Variants in MACROD2 observed in about 807,000 individuals in gnomAD.
The protein encoded by MACROD2 is mono-ADP ribosylhydrolase 2, also known as ADP-ribose glycohydrolase MACROD2.
Under a neutral mutation model 70.4 loss-of-function variants are expected in MACROD2, and 36 were observed. That is an observed-to-expected ratio of 0.51 (90% CI 0.39 to 0.68). The LOEUF (loss-of-function observed/expected upper bound fraction) is 0.68. Among genes scored for constraint, MACROD2 ranks in the 30% least tolerant of loss-of-function variants. The pLI is 0.00. For synonymous variants in MACROD2, 172 were observed against 178.8 expected (o/e 0.96, Z 0.30); for missense variants, 496 against 538.4 (o/e 0.92, Z 0.78).
chr20:15,708,897 A>G (rs1378378601), intron 8 of MACROD2, among the ~76,000 whole-genome samples: 1 of 152,094 alleles, frequency 6.6e-6, no homozygotes, highest in Non-Finnish European at 1.5e-5. Flanking sequence ...ATGGTAGCAC[A>G]TACTTGTAGT....
At chr20:15,366,031 A>AT (rs2045404169) in intron 6 of MACROD2, among the ~76,000 whole-genome samples, 1 of 152,216 alleles carries the variant, frequency 6.6e-6, no homozygotes, top group South Asian at 2.1e-4. Flanking sequence ...AGTAATAGAG[A>AT]TATAGGAATG....
In MACROD2 at chr20:16,015,712, C is replaced by T. The variant is rs547762632; in HGVS notation, c.1154-25489C>T. ...ATATAAACTTTTAATATTTTTGTTG[C>T]GTTTACTGTTGACTAAACTTTTTTG... is the stretch of plus-strand genomic sequence containing the variant. On this transcript the variant is annotated intron_variant, in intron 15 of 17. Coordinates refer to ENST00000684519, the MANE Select transcript of MACROD2 (RefSeq NM_001351661.2). Among the ~76,000 whole-genome samples the T allele has an allele frequency of 9.9e-5, 15 of 152,080 alleles. No homozygotes were observed. In the South Asian group the frequency reaches 1.0e-3, roughly 11 times the overall value.
chr20:15,435,182 A>T (rs1359140506), intron 7 of MACROD2, among the ~76,000 whole-genome samples: 1 of 152,150 alleles, frequency 6.6e-6, no homozygotes, highest in East Asian at 1.9e-4. Context: ...ATAAAAATAC[A>T]ATTTAAAAAA....
chr20:15,786,952 T>TTTTTG (rs200138097), intron 8 of MACROD2, among the ~76,000 whole-genome samples: 1,544 of 151,886 alleles, frequency 0.01, 26 homozygotes, highest in East Asian at 0.083. Flanking sequence ...ATAAAGAAAA[T>TTTTTG]TTTTGTTTTG....
At chr20:15,991,855 T>C (rs1361188799) in intron 15 of MACROD2, among the ~76,000 whole-genome samples, 1 of 152,178 alleles carries the variant, frequency 6.6e-6, no homozygotes, top group Non-Finnish European at 1.5e-5. Context: ...TGCTGGTCTC[T>C]GTTTGGGTTT....
At chr20:15,060,564 C>T (rs1383501808) in intron 5 of MACROD2, among the ~76,000 whole-genome samples, 1 of 152,122 alleles carries the variant, frequency 6.6e-6, no homozygotes, top group Admixed American at 6.5e-5. Flanking sequence ...GTGACTTCCC[C>T]CATCTTCCAA....
chr20:15,465,397 G>T (rs1238964067), intron 7 of MACROD2, among the ~76,000 whole-genome samples: 1 of 152,276 alleles, frequency 6.6e-6, no homozygotes, highest in Non-Finnish European at 1.5e-5. Flanking sequence ...GGAGAGTGAT[G>T]ATGGGGTACA....
At chr20:14,735,179 A>C (rs1402553696) in intron 5 of MACROD2, among the ~76,000 whole-genome samples, 1 of 152,210 alleles carries the variant, frequency 6.6e-6, no homozygotes, top group Non-Finnish European at 1.5e-5. Context: ...CTCAAACGAC[A>C]CTATGAAGAA....
intron 5 of MACROD2, among the ~76,000 whole-genome samples, chr20:15,009,772 A>ATTT (rs79069561): frequency 0.023 from 2,760 of 117,850 alleles, 92 homozygotes; most frequent in African/African-American, 0.081. Flanking sequence ...CCACCTCCCT[A>ATTT]TTTTTTTTTT....
At chr20:15,432,810 T>C (rs778956608) in intron 7 of MACROD2, among the ~76,000 whole-genome samples, 1 of 152,066 alleles carries the variant, frequency 6.6e-6, no homozygotes, top group Non-Finnish European at 1.5e-5. Context: ...ATGTTTTACT[T>C]CTGAGAATCT....
At chr20:14,102,816 G>A (rs2054317885) in intron 3 of MACROD2, among the ~76,000 whole-genome samples, 1 of 152,056 alleles carries the variant, frequency 6.6e-6, no homozygotes, top group Non-Finnish European at 1.5e-5. Context: ...GAATATTTGG[G>A]GATATAGGAT....
At chr20:14,216,202 C>G (rs1388685624) in intron 3 of MACROD2, among the ~76,000 whole-genome samples, 3 of 152,062 alleles carry the variant, frequency 2.0e-5, no homozygotes, top group Non-Finnish European at 4.4e-5. Context: ...AGATGAGGAT[C>G]CAGTTTCATT....
intron 5 of MACROD2, among the ~76,000 whole-genome samples, chr20:15,151,142 G>A (rs1035744432): frequency 3.8e-4 from 58 of 152,168 alleles, no homozygotes; most frequent in African/African-American, 1.2e-3. Context: ...GAGAGCCTTG[G>A]GCCAGAGTTC....
intron 3 of MACROD2, among the ~76,000 whole-genome samples, chr20:14,241,588 C>A (rs985050361): frequency 6.6e-6 from 1 of 151,800 alleles, no homozygotes; most frequent in African/African-American, 2.4e-5. Flanking sequence ...GTAACCATGG[C>A]CACCACCTTT....
chr20:15,903,085 C>T (rs139563939), intron 10 of MACROD2, among the ~76,000 whole-genome samples: 85 of 152,202 alleles, frequency 5.6e-4, no homozygotes, highest in African/African-American at 1.9e-3. Context: ...GTAGAGGAAA[C>T]AGTAAGTGGG....
chr20:15,721,645 T>G (rs1212931289), intron 8 of MACROD2, among the ~76,000 whole-genome samples: 2 of 152,204 alleles, frequency 1.3e-5, no homozygotes, highest in African/African-American at 4.8e-5. Context: ...TTATCACAAA[T>G]GAGAATGATT....
chr20:15,087,643 G>A (rs1336149169), intron 5 of MACROD2, among the ~76,000 whole-genome samples: 6 of 151,966 alleles, frequency 3.9e-5, no homozygotes, highest in Non-Finnish European at 7.4e-5. Context: ...TTAACTTTGC[G>A]GTAGGAGAGG....
chr20:14,719,664 A>T (rs2071441038), intron 5 of MACROD2, among the ~76,000 whole-genome samples: 1 of 152,316 alleles, frequency 6.6e-6, no homozygotes, highest in East Asian at 1.9e-4. Flanking sequence ...TCTTAAAAAA[A>T]AATGAGTGCC....
intron 3 of MACROD2, among the ~76,000 whole-genome samples, chr20:14,201,675 A>G (rs2081480890): frequency 6.6e-6 from 1 of 151,820 alleles, no homozygotes; most frequent in Non-Finnish European, 1.5e-5. Flanking sequence ...CTCCGTCTCT[A>G]CTAAAAATAC....
Sources: allele counts gnomAD v4.1 joint callset (sites outside exome capture counted in the v4.1 genomes callset), GRCh38; gene constraint gnomAD v4.1.1; transcripts MANE v1.5; gene names NCBI Gene and HGNC (gene_info 2026-07-23, HGNC 2026-07-21).